Variants in GALNTL6 observed in about 807,000 individuals in gnomAD.
GALNTL6 encodes the protein polypeptide N-acetylgalactosaminyltransferase-like 6.
Under a neutral mutation model 73.7 loss-of-function variants are expected in GALNTL6, and 46 were observed. The observed-to-expected ratio is 0.62, with a 90% CI of 0.49 to 0.80. The LOEUF is 0.80. GALNTL6 is among the 30% of genes least tolerant of loss of function. GALNTL6 has a pLI of 0.00. For synonymous variants in GALNTL6, 259 were observed against 263.7 expected (o/e 0.98, Z 0.17); for missense variants, 604 against 755.0 (o/e 0.80, Z 2.34).
chr4:172,431,795 A>G (rs1731464401), intron 5 of GALNTL6, among the ~76,000 whole-genome samples: 1 of 152,186 alleles, frequency 6.6e-6, no homozygotes, highest in South Asian at 2.1e-4. Context: ...GACTGACTTT[A>G]CATAATGGTA....
chr4:172,369,636 G>C (rs941592688), intron 5 of GALNTL6, among the ~76,000 whole-genome samples: 1 of 152,194 alleles, frequency 6.6e-6, no homozygotes, highest in Non-Finnish European at 1.5e-5. Flanking sequence ...GCTGAGGCCC[G>C]GTGAGAATTT....
chr4:172,984,716 A>AT (rs1386749368), intron 10 of GALNTL6, among the ~76,000 whole-genome samples: 3 of 152,228 alleles, frequency 2.0e-5, no homozygotes, highest in African/African-American at 7.2e-5. Context: ...CCTCAGTATC[A>AT]TGCAGTATCC....
chr4:172,156,347 G>C (rs1438439552), intron 2 of GALNTL6, among the ~76,000 whole-genome samples: 1 of 151,648 alleles, frequency 6.6e-6, no homozygotes, highest in Non-Finnish European at 1.5e-5. Context: ...CAGGCCCCGG[G>C]GGAGAATCTT....
chr4:172,562,282 C>T (rs976489083), intron 5 of GALNTL6, among the ~76,000 whole-genome samples: 2 of 152,162 alleles, frequency 1.3e-5, no homozygotes, highest in Admixed American at 1.3e-4. Flanking sequence ...GGAAGACAAG[C>T]TTTCCTTCTT....
At chr4:172,883,447 G>A (rs1745563403) in intron 8 of GALNTL6, among the ~76,000 whole-genome samples, 1 of 152,190 alleles carries the variant, frequency 6.6e-6, no homozygotes, top group African/African-American at 2.4e-5. Flanking sequence ...TAATCATTGT[G>A]GAAGGCAACA....
chr4:172,896,296 T>C (rs1197680926), intron 8 of GALNTL6, among the ~76,000 whole-genome samples: 1 of 152,198 alleles, frequency 6.6e-6, no homozygotes, highest in Non-Finnish European at 1.5e-5. Flanking sequence ...CTAAGCAAAC[T>C]GACTATTATG....
chr4:172,388,993 C>A (rs1390663722), intron 5 of GALNTL6, among the ~76,000 whole-genome samples: 1 of 151,770 alleles, frequency 6.6e-6, no homozygotes, highest in Non-Finnish European at 1.5e-5. Flanking sequence ...CCTAATATTT[C>A]TAATAGCTTA....
At position 172,062,191 on chromosome 4, in the gene GALNTL6, T is replaced by A. The variant is rs574279752; in HGVS notation, c.139-167465T>A. ...GGCTTGTCTTGAATTCCTGACCTCA[T>A]GATCCGCCCGCCTTGGCCTCCCAAA... On this transcript the variant is annotated intron_variant, in intron 2 of 12. Coordinates refer to ENST00000506823, the MANE Select transcript of GALNTL6 (RefSeq NM_001034845.3). Among the ~76,000 whole-genome samples, 3 of 152,064 alleles carry A rather than the reference T, an allele frequency of 2.0e-5. No individual in the cohort carries two copies. In the East Asian group the frequency reaches 5.8e-4, roughly 29 times the overall value.
At chr4:172,184,685 T>C (rs930145042) in intron 2 of GALNTL6, among the ~76,000 whole-genome samples, 1 of 152,126 alleles carries the variant, frequency 6.6e-6, no homozygotes, top group Admixed American at 6.5e-5. Context: ...TAGTCAACAT[T>C]GGTGTCTTAG....
intron 2 of GALNTL6, among the ~76,000 whole-genome samples, chr4:172,228,263 A>T (rs545950636): frequency 6.6e-6 from 1 of 152,182 alleles, no homozygotes; most frequent in East Asian, 1.9e-4. Flanking sequence ...TCTTCCTTTT[A>T]AAAATTATCA....
intron 2 of GALNTL6, among the ~76,000 whole-genome samples, chr4:171,819,603 G>T (rs2110800446): frequency 6.6e-6 from 1 of 152,222 alleles, no homozygotes; most frequent in Admixed American, 6.5e-5. Context: ...GTCAGGAGTA[G>T]CCGTGACAAC....
intron 5 of GALNTL6, among the ~76,000 whole-genome samples, chr4:172,785,800 A>C (rs2110912434): frequency 6.6e-6 from 1 of 152,284 alleles, no homozygotes; most frequent in Admixed American, 6.5e-5. Context: ...AATCATCCCC[A>C]ATCATCTGTT....
rs189998291 is a variant in GALNTL6 at position 172,184,695 on chromosome 4, G to A, written c.139-44961G>A. ...GAAATTAGTCAACATTGGTGTCTTA[G>A]CCCATTTTGTGCTGCTATAACAGAG... On this transcript the variant is annotated intron_variant, in intron 2 of 12. Coordinates refer to ENST00000506823, the MANE Select transcript of GALNTL6 (RefSeq NM_001034845.3). Among the ~76,000 whole-genome samples the A allele has an allele frequency of 1.7e-3, 262 of 152,154 alleles. 2 individuals are homozygous for A. In the Middle Eastern group the frequency reaches 0.021, roughly 12 times the overall value.
At chr4:172,595,136 G>T (rs537887688) in intron 5 of GALNTL6, among the ~76,000 whole-genome samples, 16 of 152,062 alleles carry the variant, frequency 1.1e-4, no homozygotes, top group Non-Finnish European at 1.5e-4. Context: ...TCTCCTAAAA[G>T]CTCTACCTCC....
chr4:172,279,357 A>C (rs1342796507), intron 3 of GALNTL6, among the ~76,000 whole-genome samples: 2 of 152,212 alleles, frequency 1.3e-5, no homozygotes, highest in Non-Finnish European at 2.9e-5. Context: ...AAGATTTGCT[A>C]CAACTCAACA....
chr4:172,359,749 G>A (rs1442451848), intron 5 of GALNTL6, among the ~76,000 whole-genome samples: 1 of 152,020 alleles, frequency 6.6e-6, no homozygotes, highest in Non-Finnish European at 1.5e-5. Context: ...AAAACATCTG[G>A]GGTTACCCCA....
At chr4:172,293,165 C>T (rs1739530249) in intron 3 of GALNTL6, among the ~76,000 whole-genome samples, 1 of 152,108 alleles carries the variant, frequency 6.6e-6, no homozygotes, top group Admixed American at 6.6e-5. Context: ...CATCTCCAAC[C>T]ACATTGGCCT....
At chr4:172,663,468 C>T (rs764771764) in intron 5 of GALNTL6, among the ~76,000 whole-genome samples, 4 of 152,198 alleles carry the variant, frequency 2.6e-5, no homozygotes, top group Non-Finnish European at 5.9e-5. Context: ...ACTGTATATT[C>T]AACCCCTCCC....
chr4:172,931,651 G>A (rs1036580638), intron 9 of GALNTL6, among the ~76,000 whole-genome samples: 2 of 152,132 alleles, frequency 1.3e-5, no homozygotes, highest in East Asian at 3.9e-4. Context: ...AGTGTAGCAG[G>A]ATCTGTAATA....
Sources: gnomAD v4.1 joint callset for allele counts (sites outside exome capture counted in the v4.1 genomes callset) on GRCh38, gnomAD v4.1.1 for gene constraint, MANE v1.5 for transcripts, NCBI Gene and HGNC (gene_info 2026-07-23, HGNC 2026-07-21) for gene names.